The following CFAP57 variants were observed in gnomAD, a reference collection of about 807,000 sequenced individuals.
The protein encoded by CFAP57 is cilia- and flagella-associated protein 57.
A neutral mutation model predicts 146.8 loss-of-function variants in CFAP57; 116 were observed. That is an observed-to-expected ratio of 0.79 (90% CI 0.68 to 0.92). The LOEUF is 0.92. Among genes scored for constraint, CFAP57 ranks in the 40% least tolerant of loss-of-function variants. The probability of loss-of-function intolerance (pLI) is 0.00; values close to 1 mark genes in which losing one functional copy is unlikely to be tolerated. For missense variants in CFAP57, 1,377 were observed against 1,527.2 expected (o/e 0.90, Z 1.64); for synonymous variants, 518 against 552.8 (o/e 0.94, Z 0.88).
intron 9 of CFAP57, among the ~76,000 whole-genome samples, 175 bp downstream of exon 9, chr1:43,199,678 T>C (rs905382389): frequency 6.6e-6 from 1 of 152,230 alleles, no homozygotes; most frequent in Admixed American, 6.5e-5. Context: ...CTAATTGCAG[T>C]TCCACTGAAA....
intron 21 of CFAP57, among the ~76,000 whole-genome samples, chr1:43,236,123 G>A (rs773778877): frequency 6.6e-6 from 1 of 152,068 alleles, no homozygotes; most frequent in Non-Finnish European, 1.5e-5. Context: ...GGCTGGCAGA[G>A]GGAGCCATCA....
intron 18 of CFAP57, among the ~76,000 whole-genome samples, chr1:43,229,755 C>T (rs1570260164): frequency 6.7e-6 from 1 of 148,704 alleles, no homozygotes; most frequent in East Asian, 2.1e-4. Flanking sequence ...GTAGGTAATT[C>T]TCTGTCATGG....
At chr1:43,172,597 A>AAAGGGGAGGGGC in intron 1 of CFAP57, 138 bp from the exon 2 acceptor site, 2 of 566,770 alleles carry the variant, frequency 3.5e-6, no homozygotes, top group Non-Finnish European at 5.9e-6. Flanking sequence ...AGGGGAGGGG[A>AAAGGGGAGGGGC]AAGGGGAGGG....
chr1:43,208,181 A>T (rs1644436814), intron 10 of CFAP57, among the ~76,000 whole-genome samples: 1 of 152,228 alleles, frequency 6.6e-6, no homozygotes, highest in South Asian at 2.1e-4. Context: ...GAGAAATAGG[A>T]ATAATTTTAC....
chr1:43,235,085 C>T (rs942630891), intron 21 of CFAP57, among the ~76,000 whole-genome samples: 15 of 152,128 alleles, frequency 9.9e-5, no homozygotes, highest in African/African-American at 3.6e-4. Flanking sequence ...TTGTTTTGCT[C>T]CTTTGTATTC....
chr1:43,187,457 A>G (rs2124338048), intron 6 of CFAP57, among the ~76,000 whole-genome samples: 1 of 152,050 alleles, frequency 6.6e-6, no homozygotes, highest in South Asian at 2.1e-4. Flanking sequence ...TTTCTCAGTA[A>G]TGGTCCTTTT....
intron 6 of CFAP57, among the ~76,000 whole-genome samples, chr1:43,195,112 T>C (rs937579267): frequency 6.6e-6 from 1 of 152,172 alleles, no homozygotes; most frequent in Non-Finnish European, 1.5e-5. Context: ...TGTAAACTGA[T>C]ACAGCCATTC....
chr1:43,202,867 A>G (rs949782025), intron 9 of CFAP57, among the ~76,000 whole-genome samples: 10 of 150,650 alleles, frequency 6.6e-5, no homozygotes. Context: ...GAAACTGACA[A>G]ATTCCTATAA....
chr1:43,175,218 G>A (rs1488903625), intron 2 of CFAP57, among the ~76,000 whole-genome samples: 10 of 151,714 alleles, frequency 6.6e-5, no homozygotes, highest in Admixed American at 5.9e-4. Context: ...TGTCTATGGT[G>A]TGTGTGTGTA....
At chr1:43,235,780 T>C (rs1350038286) in intron 21 of CFAP57, among the ~76,000 whole-genome samples, 1 of 152,180 alleles carries the variant, frequency 6.6e-6, no homozygotes, top group African/African-American at 2.4e-5. Flanking sequence ...CCCCTGGGGC[T>C]CTGGAGTGCA....
chr1:43,222,264 A>G lies in CFAP57; in HGVS notation c.2501A>G (p.Lys834Arg). Residue 834 changes from lysine to arginine, a missense_variant, in exon 15 of 23, where the codon AAA (lysine) becomes AGA (arginine). By Grantham distance (26) the Lys-to-Arg change is conservative. Coordinates refer to ENST00000372492, the MANE Select transcript of CFAP57 (RefSeq NM_001378189.1). ...GAGCTGACTGAGTTTTACGAGGCAA[A>G]ACTGCAGGAGAAAACCACCCTTCTG... ...LEELTEFYEA[K>R]LQEKTTLLEE... 6.8e-7 allele frequency: 1 copy of G among 1,471,232 alleles called. No individual in the cohort carries two copies. The highest frequency in any genetic ancestry group is 9.0e-7 in the Non-Finnish European group (1 of 1,107,446). The allele number at this position is 1,471,232 out of a possible 1,614,324, so 91.1% of individuals were successfully genotyped here. A position where few individuals can be genotyped will look rare whatever the true frequency, so the allele number is the denominator to read the frequency against.
chr1:43,206,611 A>G (rs1488158129), intron 9 of CFAP57, 109 bp from the exon 10 acceptor site: 14 of 1,068,082 alleles, frequency 1.3e-5, no homozygotes, highest in Non-Finnish European at 1.9e-5. Flanking sequence ...ACAGCAGGAA[A>G]GGACGTTCTG....
At chr1:43,239,877 A>G (rs1421511883) in intron 21 of CFAP57, among the ~76,000 whole-genome samples, 4 of 152,148 alleles carry the variant, frequency 2.6e-5, no homozygotes, top group Non-Finnish European at 5.9e-5. Context: ...CTTCCTTATT[A>G]GTAAGAATCT....
intron 18 of CFAP57, among the ~76,000 whole-genome samples, chr1:43,230,279 G>GC (rs963143194): frequency 3.3e-5 from 5 of 152,168 alleles, no homozygotes; most frequent in Non-Finnish European, 7.3e-5. Flanking sequence ...TCTTCCAGCT[G>GC]CCATTGCCTT....
chr1:43,219,603 G>T, intron 13 of CFAP57, 66 bp downstream of exon 13: 1 of 1,513,644 alleles, frequency 6.6e-7, no homozygotes. Flanking sequence ...GACAGGACTG[G>T]CATATACTGC....
intron 5 of CFAP57, among the ~76,000 whole-genome samples, chr1:43,185,984 A>G (rs1354056660): frequency 6.6e-6 from 1 of 151,854 alleles, no homozygotes; most frequent in African/African-American, 2.4e-5. Flanking sequence ...CTGTAATCCC[A>G]GCTAGAATTG....
At chr1:43,251,398 C>G (rs563848037) in intron 22 of CFAP57, among the ~76,000 whole-genome samples, 2 of 152,168 alleles carry the variant, frequency 1.3e-5, no homozygotes, top group Non-Finnish European at 2.9e-5. Flanking sequence ...AAGGGCCACC[C>G]GGTGCAGTGA....
At chr1:43,203,408 C>T (rs1335841664) in intron 9 of CFAP57, among the ~76,000 whole-genome samples, 1 of 151,838 alleles carries the variant, frequency 6.6e-6, no homozygotes, top group Non-Finnish European at 1.5e-5. Flanking sequence ...CTGTCAAAGA[C>T]ACCACAAGAA....
At position 43,216,044 on chromosome 1, in the gene CFAP57, A is replaced by C. The variant is rs113983322; in HGVS notation, c.2091+628A>C. Among the ~76,000 whole-genome samples, 76 of 152,328 alleles carry C rather than the reference A, an allele frequency of 5.0e-4. 1 individual carries two copies. The highest frequency in any genetic ancestry group is 1.4e-3 in the African/African-American group (57 of 41,566). On this transcript the variant is annotated intron_variant, in intron 12 of 22. Transcript: ENST00000372492. ...GTGTGTTTTGCAGAGATATGAGTGC[A>C]TAGCTCTGTGTTACGCTTCCTAAGG...
Sources: gnomAD v4.1 joint callset for allele counts (sites outside exome capture counted in the v4.1 genomes callset) on GRCh38, gnomAD v4.1.1 for gene constraint, MANE v1.5 for transcripts, NCBI Gene and HGNC (gene_info 2026-07-23, HGNC 2026-07-21) for gene names.